The following EAF2 variants were observed in gnomAD, a reference collection of about 807,000 sequenced individuals.
EAF2 encodes ELL associated factor 2.
A neutral mutation model predicts 29.4 loss-of-function variants in EAF2; 29 were observed. The ratio of observed to expected loss-of-function variants is 0.99; its 90% CI spans 0.73 to 1.35. The LOEUF is 1.35. Among genes scored for constraint, EAF2 ranks in the 40% most tolerant of loss-of-function variants. The pLI is 0.00. For synonymous variants in EAF2, 103 were observed against 102.5 expected, an observed-to-expected ratio of 1.00 and a Z score of -0.03; for missense variants, 292 against 312.0, an observed-to-expected ratio of 0.94 and a Z score of 0.48.
At chr3:121,840,189 GAA>G (rs35521886) in intron 1 of EAF2, among the ~76,000 whole-genome samples, 18,131 of 68,764 alleles carry the variant, frequency 0.26, 1,754 homozygotes, top group Admixed American at 0.4. Context: ...ATTCTCTCAG[GAA>G]AAAAAAAAAA....
At chr3:121,841,643 C>T (rs570592789) in intron 1 of EAF2, among the ~76,000 whole-genome samples, 3 of 150,894 alleles carry the variant, frequency 2.0e-5, no homozygotes, top group African/African-American at 4.9e-5. Context: ...GAGGCTGAGG[C>T]GGGTGGAACA....
chr3:121,845,660 T>C (rs1482973048), intron 2 of EAF2, among the ~76,000 whole-genome samples: 1 of 151,952 alleles, frequency 6.6e-6, no homozygotes, highest in Non-Finnish European at 1.5e-5. Flanking sequence ...AGAAAATCTC[T>C]TTCTTTTTAA....
intron 2 of EAF2, among the ~76,000 whole-genome samples, chr3:121,854,251 G>T (rs536916264): frequency 6.7e-6 from 1 of 148,680 alleles, no homozygotes; most frequent in Non-Finnish European, 1.5e-5. Context: ...AGGAGGTGGA[G>T]GTTGCAGTGA....
intron 1 of EAF2, among the ~76,000 whole-genome samples, chr3:121,842,235 A>G (rs1272596862): frequency 2.6e-5 from 4 of 152,174 alleles, no homozygotes; most frequent in Non-Finnish European, 5.9e-5. Flanking sequence ...CCACTAGTAT[A>G]GGCACCCACA....
intron 2 of EAF2, among the ~76,000 whole-genome samples, chr3:121,850,909 C>T (rs1708621333): frequency 6.6e-6 from 1 of 151,858 alleles, no homozygotes; most frequent in African/African-American, 2.4e-5. Flanking sequence ...CTATGTTGAC[C>T]AGGCTGGTCT....
At chr3:121,858,611 C>G (rs572371672) in intron 4 of EAF2, among the ~76,000 whole-genome samples, 2 of 150,798 alleles carry the variant, frequency 1.3e-5, no homozygotes, top group Non-Finnish European at 3.0e-5. Context: ...TTCTCCCATT[C>G]TGTAGGTTGC....
intron 2 of EAF2, among the ~76,000 whole-genome samples, chr3:121,847,914 A>G (rs1708557145): frequency 6.6e-6 from 1 of 152,132 alleles, no homozygotes; most frequent in African/African-American, 2.4e-5. Context: ...CTGGGATGGT[A>G]GAAGAGGGAG....
intron 4 of EAF2, among the ~76,000 whole-genome samples, chr3:121,858,713 C>G (rs957959210): frequency 3.3e-5 from 5 of 152,184 alleles, no homozygotes; most frequent in Non-Finnish European, 5.9e-5. Context: ...GTTGCCATTG[C>G]TTTTGATGTT....
intron 4 of EAF2, among the ~76,000 whole-genome samples, chr3:121,863,567 G>C (rs1310354530): frequency 6.6e-6 from 1 of 152,162 alleles, no homozygotes; most frequent in African/African-American, 2.4e-5. Context: ...TATTAGGGGT[G>C]GGAGTGTCAC....
chr3:121,854,923 CTG>C lies in EAF2; in HGVS notation c.338+105_338+106del, dbSNP rs1472126763. On this transcript the variant is annotated intron_variant, in intron 3 of 5. Transcript: ENST00000273668. ...TCACATTATAATATAGGAGTTATTTCTGTGTGGTACAAAAATGTTTTAATCTT... is the reference window on the plus strand; with the variant it reads ...TCACATTATAATATAGGAGTTATTTCTGTGGTACAAAAATGTTTTAATCTT... 93 of 1,118,490 alleles carry C rather than the reference CTG, an allele frequency of 8.3e-5. No homozygotes were observed. In the East Asian group the frequency reaches 2.8e-3, roughly 34 times the overall value. The allele number at this position is 1,118,490 out of a possible 1,614,324, so 69.3% of individuals were successfully genotyped here. A position where few individuals can be genotyped will look rare whatever the true frequency, so the allele number is the denominator to read the frequency against.
At chr3:121,854,877 G>A (rs1708692712) in intron 3 of EAF2, 54 bp downstream of exon 3, 2 of 1,427,330 alleles carry the variant, frequency 1.4e-6, no homozygotes, top group South Asian at 1.4e-5. Flanking sequence ...CTAAGGAAAT[G>A]TCAATAAAAA....
intron 2 of EAF2, among the ~76,000 whole-genome samples, chr3:121,853,743 T>C (rs962128756): frequency 1.3e-5 from 2 of 152,220 alleles, no homozygotes; most frequent in African/African-American, 4.8e-5. Context: ...TATTGGTAGT[T>C]ATATATCTAA....
intron 4 of EAF2, among the ~76,000 whole-genome samples, chr3:121,868,750 A>T (rs74338131): frequency 6.6e-6 from 1 of 152,240 alleles, no homozygotes; most frequent in Non-Finnish European, 1.5e-5. Flanking sequence ...GAAAAGAGAA[A>T]TCTGCAAATC....
chr3:121,870,275 A>G (rs1044841850), intron 4 of EAF2, among the ~76,000 whole-genome samples: 2 of 152,216 alleles, frequency 1.3e-5, no homozygotes, highest in Non-Finnish European at 2.9e-5. Flanking sequence ...CTCAAAAATT[A>G]TCAATGAAAT....
chr3:121,854,862 AATTTCT>A, intron 3 of EAF2, 39 bp downstream of exon 3: 1 of 1,470,718 alleles, frequency 6.8e-7, no homozygotes, highest in Non-Finnish European at 9.0e-7. Context: ...TATAAACATA[AATTTCT>A]AAGGAAATGT....
intron 1 of EAF2, chr3:121,836,802 A>G (rs1190829834): frequency 3.0e-6 from 3 of 985,242 alleles, no homozygotes; most frequent in Non-Finnish European, 3.6e-6. Context: ...CAGGTATGCA[A>G]TAGTCTTAAT....
At chr3:121,880,128 CTGT>C (rs1159524291) in intron 5 of EAF2, among the ~76,000 whole-genome samples, 3 of 151,426 alleles carry the variant, frequency 2.0e-5, no homozygotes, top group South Asian at 2.1e-4. Context: ...AGGTTTGTTG[CTGT>C]TGTTGTTGTT....
intron 5 of EAF2, among the ~76,000 whole-genome samples, chr3:121,880,367 T>C (rs1347080565): frequency 6.6e-6 from 1 of 151,648 alleles, no homozygotes; most frequent in Non-Finnish European, 1.5e-5. Flanking sequence ...GGTCTTGAAC[T>C]CCTGGCCCCA....
intron 3 of EAF2, among the ~76,000 whole-genome samples, chr3:121,856,319 CTTT>C (rs202213987): frequency 7.3e-6 from 1 of 136,448 alleles, no homozygotes; most frequent in Non-Finnish European, 1.6e-5. Flanking sequence ...TAAGCAATGG[CTTT>C]TTTTTTTTTT....
Sources: gnomAD v4.1 joint callset for allele counts (sites outside exome capture counted in the v4.1 genomes callset) on GRCh38, gnomAD v4.1.1 for gene constraint, MANE v1.5 for transcripts, NCBI Gene and HGNC (gene_info 2026-07-23, HGNC 2026-07-21) for gene names.